The following RORA variants were observed in gnomAD, a reference collection of about 807,000 sequenced individuals.
The protein encoded by RORA is nuclear receptor ROR-alpha.
Under a neutral mutation model 69.5 loss-of-function variants are expected in RORA, and 7 were observed. The ratio of observed to expected loss-of-function variants is 0.10; its 90% confidence interval spans 0.06 to 0.19. The LOEUF is 0.19. Ranked by LOEUF, RORA falls within the 10% of genes least tolerant of loss-of-function variation. The pLI is 1.00. For synonymous variants in RORA, 261 were observed against 240.8 expected, an observed-to-expected ratio of 1.08 and a Z score of -0.78; for missense variants, 457 against 663.0, an observed-to-expected ratio of 0.69 and a Z score of 3.41.
intron 1 of RORA, among the ~76,000 whole-genome samples, chr15:60,946,856 T>C (rs1181428489): frequency 2.0e-5 from 3 of 150,506 alleles, no homozygotes; most frequent in East Asian, 2.0e-4. Flanking sequence ...TCGTCTGAGA[T>C]GTGGGGAGCG....
intron 2 of RORA, among the ~76,000 whole-genome samples, chr15:60,538,095 G>A (rs940928762): frequency 6.6e-6 from 1 of 152,124 alleles, no homozygotes; most frequent in African/African-American, 2.4e-5. Flanking sequence ...ATTTCCCAGG[G>A]TTTTGATGTA....
chr15:60,980,187 G>T (rs1473226683), intron 1 of RORA, among the ~76,000 whole-genome samples: 1 of 152,140 alleles, frequency 6.6e-6, no homozygotes, highest in African/African-American at 2.4e-5. Context: ...TGCATTGATT[G>T]ACTTTCATAT....
intron 1 of RORA, among the ~76,000 whole-genome samples, chr15:60,708,206 T>C (rs894227781): frequency 4.0e-5 from 6 of 151,522 alleles, no homozygotes; most frequent in Non-Finnish European, 7.4e-5. Context: ...GTACCTATCT[T>C]CTTTTTTAAA....
chr15:61,182,609 G>A (rs2079697719), intron 1 of RORA, among the ~76,000 whole-genome samples: 1 of 152,160 alleles, frequency 6.6e-6, no homozygotes, highest in African/African-American at 2.4e-5. Flanking sequence ...GCTTGAAAAG[G>A]AGCTTGTGGT....
At chr15:60,592,477 G>GCCGCCGCC (rs2068557786) in intron 2 of RORA, 21 of 1,350,242 alleles carry the variant, frequency 1.6e-5, no homozygotes, top group Non-Finnish European at 2.0e-5. Context: ...AGCCCCCTCT[G>GCCGCCGCC]CCGCCGCCGC....
chr15:60,757,608 A>C (rs2071821602), intron 1 of RORA, among the ~76,000 whole-genome samples: 1 of 152,118 alleles, frequency 6.6e-6, no homozygotes, highest in Non-Finnish European at 1.5e-5. Context: ...TCTGATTCTG[A>C]GTATTTATTA....
chr15:61,041,937 C>G (rs1026258176), intron 1 of RORA, among the ~76,000 whole-genome samples: 1 of 152,132 alleles, frequency 6.6e-6, no homozygotes. Context: ...TCAGAGGTCA[C>G]AGAACAAACA....
chr15:61,018,356 C>T (rs1242806089), intron 1 of RORA, among the ~76,000 whole-genome samples: 1 of 151,990 alleles, frequency 6.6e-6, no homozygotes, highest in African/African-American at 2.4e-5. Flanking sequence ...TGGGGCTTTT[C>T]TTTCCCCATT....
At chr15:60,813,429 T>G (rs6494225) in intron 1 of RORA, among the ~76,000 whole-genome samples, 9,774 of 152,300 alleles carry the variant, frequency 0.064, 413 homozygotes, top group African/African-American at 0.095. Context: ...TGGCAAAGTC[T>G]TGAAATCTGT....
At position 60,941,282 on chromosome 15, in the gene RORA, G is replaced by C. The variant is rs551691014; in HGVS notation, c.167-262596C>G. Among the ~76,000 whole-genome samples, 11 of 152,336 alleles carry C rather than the reference G, an allele frequency of 7.2e-5. 1 individual carries two copies. In the South Asian group the frequency reaches 1.7e-3, roughly 23 times the overall value. On this transcript the variant is annotated intron_variant, in intron 1 of 10. Transcript: ENST00000335670. Reference sequence around the variant, plus strand: ...GTGGTTTCACTTCCTTGGACTTCAGGTTCCTTGTCCTTGAAGTGGAAGGGT... The same window carrying C: ...GTGGTTTCACTTCCTTGGACTTCAGCTTCCTTGTCCTTGAAGTGGAAGGGT...
At chr15:60,864,609 A>G (rs1026755933) in intron 1 of RORA, among the ~76,000 whole-genome samples, 1 of 152,182 alleles carries the variant, frequency 6.6e-6, no homozygotes, top group African/African-American at 2.4e-5. Context: ...TTGAAGAGAA[A>G]CGGAAATGAG....
At chr15:60,748,831 A>G (rs1338693020) in intron 1 of RORA, among the ~76,000 whole-genome samples, 1 of 152,170 alleles carries the variant, frequency 6.6e-6, no homozygotes, top group Non-Finnish European at 1.5e-5. Context: ...ATCAGTCTGC[A>G]CTAGTGGGAG....
chr15:60,886,783 G>A (rs1567225873), intron 1 of RORA, among the ~76,000 whole-genome samples: 2 of 152,192 alleles, frequency 1.3e-5, no homozygotes, highest in Non-Finnish European at 2.9e-5. Context: ...TTGCAATGGG[G>A]ATATTTTATA....
In RORA at chr15:60,917,676, G is replaced by A. The variant is rs117266777; in HGVS notation, c.167-238990C>T. Among the ~76,000 whole-genome samples the A allele has an allele frequency of 3.8e-3, 586 of 152,336 alleles. 3 individuals carry two copies. Among genetic ancestry groups the A allele is most frequent in the Admixed American group, 7.4e-3 (114 of 15,312 alleles). ...ATAACTGGTGTTTTTCCTGGTCAGTGTACTCTTGGCTGATTTATTTACCAG... is the reference window on the plus strand; with the variant it reads ...ATAACTGGTGTTTTTCCTGGTCAGTATACTCTTGGCTGATTTATTTACCAG... On this transcript the variant is annotated intron_variant, in intron 1 of 10. Coordinates refer to ENST00000335670, the MANE Select transcript of RORA (RefSeq NM_134261.3).
chr15:60,993,375 A>G (rs1827165283), intron 1 of RORA, among the ~76,000 whole-genome samples: 1 of 151,876 alleles, frequency 6.6e-6, no homozygotes, highest in Non-Finnish European at 1.5e-5. Flanking sequence ...ACAGCGGCTC[A>G]CTCCTGTAAT....
intron 1 of RORA, among the ~76,000 whole-genome samples, chr15:60,927,208 A>G (rs1338872286): frequency 4.6e-5 from 7 of 152,148 alleles, no homozygotes; most frequent in Admixed American, 4.6e-4. Flanking sequence ...CCAGTTCCCT[A>G]CTAGCTGCCA....
chr15:60,916,716 T>C (rs1162791256), intron 1 of RORA, among the ~76,000 whole-genome samples: 2 of 152,158 alleles, frequency 1.3e-5, no homozygotes, highest in African/African-American at 2.4e-5. Context: ...GGCATCAGTA[T>C]TTTTTAAAGC....
chr15:60,627,270 G>T (rs1341671457), intron 2 of RORA: 2 of 1,614,160 alleles, frequency 1.2e-6, no homozygotes, highest in Admixed American at 1.7e-5. Context: ...GTGTGGGTGT[G>T]GCAGACATTC....
At chr15:61,227,856 A>G (rs1048760156) in intron 1 of RORA, among the ~76,000 whole-genome samples, 11 of 152,204 alleles carry the variant, frequency 7.2e-5, no homozygotes, top group African/African-American at 2.7e-4. Context: ...TTACAACAGT[A>G]ATTAAAGCTG....
Sources: allele counts gnomAD v4.1 joint callset (sites outside exome capture counted in the v4.1 genomes callset), GRCh38; gene constraint gnomAD v4.1.1; transcripts MANE v1.5; gene names NCBI Gene and HGNC (gene_info 2026-07-23, HGNC 2026-07-21).